SORD: variants seen among roughly 807,000 people sequenced by gnomAD.
SORD encodes the protein sorbitol dehydrogenase.
In SORD, 18 loss-of-function variants were observed where a neutral mutation model predicts 35.6. The observed-to-expected ratio is 0.51, with a 90% confidence interval of 0.35 to 0.75. The LOEUF (loss-of-function observed/expected upper bound fraction) is 0.75, where lower values mean the gene tolerates loss of function less well. Among genes scored for constraint, SORD ranks in the 30% least tolerant of loss-of-function variants. The pLI is 0.01. For synonymous variants in SORD, 106 were observed against 152.9 expected (o/e 0.69, Z 2.26); for missense variants, 250 against 390.2 (o/e 0.64, Z 3.03).
chr15:45,044,460 T>C (rs375751338), intron 3 of SORD, among the ~76,000 whole-genome samples: 4,316 of 145,768 alleles, frequency 0.03, 138 homozygotes, highest in African/African-American at 0.11. Flanking sequence ...CCTTCATAAA[T>C]ACCAGCAGTT....
In SORD at chr15:45,067,482, T is replaced by G. The variant is rs1436832492; in HGVS notation, c.545-699T>G. 2.0e-5 allele frequency among the ~76,000 whole-genome samples: 3 copies of G among 152,234 alleles called. No individual in the cohort carries two copies. In the East Asian group the frequency reaches 5.8e-4, roughly 29 times the overall value. ...ATTTCAGGTATTATTTTTCAGTATTTTGTTTTCTGAGGGAGCTCACAAAAT... is the reference window on the plus strand; with the variant it reads ...ATTTCAGGTATTATTTTTCAGTATTGTGTTTTCTGAGGGAGCTCACAAAAT... On this transcript the variant is annotated intron_variant, in intron 5 of 8. Transcript: ENST00000267814.
At chr15:45,038,432 T>C (rs1892909936) in intron 1 of SORD, among the ~76,000 whole-genome samples, 1 of 152,184 alleles carries the variant, frequency 6.6e-6, no homozygotes, top group Non-Finnish European at 1.5e-5. Flanking sequence ...AAGAAGCCAT[T>C]GAGCAATGTC....
chr15:45,068,920 T>C lies in SORD; in HGVS notation c.654T>C (p.Ala218=), dbSNP rs146065102. The C allele has an allele frequency of 3.8e-4, 594 of 1,578,768 alleles. 1 individual carries two copies. The highest frequency in any genetic ancestry group is 4.9e-4 in the Non-Finnish European group (570 of 1,164,428). Residue 218 remains alanine, a synonymous_variant, in exon 7 of 9, where the codon GCT becomes GCC. Coordinates refer to ENST00000267814, the MANE Select transcript of SORD (RefSeq NM_003104.6). ...TRLSKAKEIG[A]DLVLQISKES... is the part of the protein sequence containing the mutation. ...TGTCCAAAGCCAAGGAGATTGGGGCTGATTTAGTCCTCCAGATCTCCAAGG... is the reference window on the plus strand; with the variant it reads ...TGTCCAAAGCCAAGGAGATTGGGGCCGATTTAGTCCTCCAGATCTCCAAGG...
chr15:45,035,040 G>C (rs1892840109), intron 1 of SORD, among the ~76,000 whole-genome samples: 1 of 152,274 alleles, frequency 6.6e-6, no homozygotes. Flanking sequence ...CGCTGCGCTC[G>C]ATTTCTCGCC....
At chr15:45,031,244 G>A (rs962353362) in intron 1 of SORD, among the ~76,000 whole-genome samples, 1 of 152,180 alleles carries the variant, frequency 6.6e-6, no homozygotes, top group African/African-American at 2.4e-5. Context: ...TTTGAGCCCA[G>A]GAGTTCGAGA....
chr15:45,039,173 G>A (rs1428797455), intron 1 of SORD, among the ~76,000 whole-genome samples: 1 of 151,682 alleles, frequency 6.6e-6, no homozygotes, highest in African/African-American at 2.4e-5. Context: ...CTGTCACGCA[G>A]GCTGAAGTGC....
At chr15:45,054,401 A>G (rs1893179179) in intron 3 of SORD, among the ~76,000 whole-genome samples, 3 of 152,130 alleles carry the variant, frequency 2.0e-5, no homozygotes, top group Admixed American at 6.6e-5. Context: ...GCCAGTGATG[A>G]TGAGCATCTT....
intron 1 of SORD, among the ~76,000 whole-genome samples, chr15:45,037,233 G>C (rs552931114): frequency 6.6e-6 from 1 of 152,362 alleles, no homozygotes; most frequent in African/African-American, 2.4e-5. Flanking sequence ...CACAGCACAG[G>C]CTGTGGGCAC....
intron 4 of SORD, among the ~76,000 whole-genome samples, chr15:45,063,263 C>T (rs1054628770): frequency 6.6e-6 from 1 of 151,996 alleles, no homozygotes; most frequent in Non-Finnish European, 1.5e-5. Flanking sequence ...TATCTATTTT[C>T]TTTCTATTTT....
rs539600206 is a variant in SORD, at chr15:45,032,397, T to A, written c.67-8011T>A. On this transcript the variant is annotated intron_variant, in intron 1 of 8. Transcript: ENST00000267814. ...TAGAATCACAAAACATTATTATATA[T>A]CAATAGCCCTACCTGGATGTCCCAA... Among the ~76,000 whole-genome samples the A allele has an allele frequency of 3.3e-3, 507 of 152,204 alleles. 1 individual carries two copies. Among genetic ancestry groups the A allele is most frequent in the African/African-American group, 0.012 (480 of 41,542 alleles).
At chr15:45,063,174 C>G (rs1438480581) in intron 4 of SORD, among the ~76,000 whole-genome samples, 4 of 149,466 alleles carry the variant, frequency 2.7e-5, no homozygotes, top group Non-Finnish European at 4.4e-5. Context: ...GCCTGTGTCC[C>G]CAGTTCTTCC....
intron 3 of SORD, among the ~76,000 whole-genome samples, chr15:45,048,711 T>G (rs1162070412): frequency 1.3e-5 from 2 of 151,672 alleles, no homozygotes; most frequent in African/African-American, 2.4e-5. Context: ...AATTAAGGAG[T>G]GTGGACACCA....
At chr15:45,068,375 A>C (rs1893441860) in intron 6 of SORD, 129 bp downstream of exon 6, 1 of 732,732 alleles carries the variant, frequency 1.4e-6, no homozygotes. Flanking sequence ...TGGATTGTGG[A>C]AATATAGAAG....
At chr15:45,067,233 G>A (rs1425023516) in intron 5 of SORD, among the ~76,000 whole-genome samples, 2 of 152,090 alleles carry the variant, frequency 1.3e-5, no homozygotes, top group African/African-American at 4.8e-5. Context: ...GTGGTGGTGG[G>A]TGCCTGTAAT....
chr15:45,048,591 C>T (rs1200694082), intron 3 of SORD, among the ~76,000 whole-genome samples: 2 of 152,132 alleles, frequency 1.3e-5, no homozygotes, highest in African/African-American at 4.8e-5. Flanking sequence ...ATCACCCAGG[C>T]ATGGTGGCAT....
chr15:45,025,432 G>A (rs1297594881), intron 1 of SORD, among the ~76,000 whole-genome samples: 1 of 152,098 alleles, frequency 6.6e-6, no homozygotes, highest in African/African-American at 2.4e-5. Context: ...GAGGTCTGGA[G>A]TTTGAGACCA....
chr15:45,062,531 A>T (rs1240474457), intron 4 of SORD, among the ~76,000 whole-genome samples: 1 of 151,862 alleles, frequency 6.6e-6, no homozygotes, highest in African/African-American at 2.4e-5. Context: ...CAGTCACAGG[A>T]GCAGTCTGAC....
At position 45,069,194 on chromosome 15, in the gene SORD, CTTTTTTT is replaced by C. The variant is rs752540495; in HGVS notation, c.786+166_786+172del. 1.6e-3 allele frequency: 182 copies of C among 116,928 alleles called. 2 individuals carry two copies. Among genetic ancestry groups the C allele is most frequent in the African/African-American group, 3.7e-3 (119 of 31,804 alleles). The allele number at this position is 116,928 out of a possible 1,614,324, so 7.2% of individuals were successfully genotyped here. A position where few individuals can be genotyped will look rare whatever the true frequency, so the allele number is the denominator to read the frequency against. ...CTTTTGCCATCTATGTTTTCTTTTTCTTTTTTTTTTTTTTTTTTTTTTTTTTTTTTGA... is the reference window on the plus strand; with the variant it reads ...CTTTTGCCATCTATGTTTTCTTTTTCTTTTTTTTTTTTTTTTTTTTTTTGA... On this transcript the variant is annotated intron_variant, in intron 7 of 8. Transcript: ENST00000267814.
chr15:45,045,951 T>C (rs1484181760), intron 3 of SORD, among the ~76,000 whole-genome samples: 1 of 152,056 alleles, frequency 6.6e-6, no homozygotes, highest in Non-Finnish European at 1.5e-5. Flanking sequence ...CAGTGAGCCA[T>C]GATTGCACCA....
Sources: allele counts gnomAD v4.1 joint callset (sites outside exome capture counted in the v4.1 genomes callset), GRCh38; gene constraint gnomAD v4.1.1; transcripts MANE v1.5; gene names NCBI Gene and HGNC (gene_info 2026-07-23, HGNC 2026-07-21).